Variants in TDP1 observed in about 807,000 individuals in gnomAD.
TDP1 encodes the protein tyrosyl-DNA phosphodiesterase 1, also known as tyr-DNA phosphodiesterase 1.
In TDP1, 64 loss-of-function variants were observed where a neutral mutation model predicts 81.5. The observed-to-expected ratio is 0.79, with a 90% CI of 0.64 to 0.97. TDP1 has a LOEUF of 0.97. Ranked by LOEUF, TDP1 falls within the 50% of genes least tolerant of loss-of-function variation. The pLI is 0.00. For missense variants in TDP1, 723 were observed against 743.8 expected (o/e 0.97, Z 0.33); for synonymous variants, 256 against 264.3 (o/e 0.97, Z 0.30).
chr14:90,021,356 G>T (rs986547376), intron 15 of TDP1, among the ~76,000 whole-genome samples: 9 of 152,156 alleles, frequency 5.9e-5, no homozygotes, highest in African/African-American at 2.2e-4. Flanking sequence ...TAGTGACTGT[G>T]GCTTTTATAA....
At chr14:90,021,929 A>T (rs550776446) in intron 15 of TDP1, among the ~76,000 whole-genome samples, 1 of 152,358 alleles carries the variant, frequency 6.6e-6, no homozygotes, top group East Asian at 1.9e-4. Context: ...GGCTTCCGTC[A>T]TGACCCTGGT....
intron 14 of TDP1, among the ~76,000 whole-genome samples, chr14:90,013,563 A>G (rs978802512): frequency 6.6e-6 from 1 of 152,226 alleles, no homozygotes; most frequent in African/African-American, 2.4e-5. Context: ...TGAGCCCATT[A>G]AACATCCTTT....
intron 8 of TDP1, among the ~76,000 whole-genome samples, chr14:89,981,833 G>A (rs1035184838): frequency 1.2e-4 from 18 of 151,970 alleles, no homozygotes; most frequent in Non-Finnish European, 2.2e-4. Flanking sequence ...CTGCAGGCAC[G>A]TACCACCACA....
intron 12 of TDP1, chr14:89,991,644 C>T (rs1289360225): frequency 2.3e-5 from 23 of 984,238 alleles, no homozygotes; most frequent in South Asian, 9.4e-5. Context: ...GACTATACTT[C>T]GTAAAGTATA....
At chr14:89,998,418 A>ATGTATGTATGTATG (rs1896880583) in intron 14 of TDP1, among the ~76,000 whole-genome samples, 4 of 98,260 alleles carry the variant, frequency 4.1e-5, no homozygotes, top group African/African-American at 1.9e-4. Context: ...ATATATATAT[A>ATGTATGTATGTATG]TATATGTATG....
chr14:90,037,617 TTA>T (rs1444706753), intron 16 of TDP1, among the ~76,000 whole-genome samples: 7 of 152,238 alleles, frequency 4.6e-5, no homozygotes, highest in African/African-American at 1.7e-4. Flanking sequence ...TGTCAATATT[TTA>T]TCACATTTAC....
chr14:89,973,294 C>G (rs1335769583), intron 6 of TDP1, among the ~76,000 whole-genome samples: 1 of 152,204 alleles, frequency 6.6e-6, no homozygotes, highest in African/African-American at 2.4e-5. Context: ...AGAAAGTAAA[C>G]TGACACAGAA....
Position 89,985,192 on chromosome 14 carries a change from A to G in TDP1, c.1113A>G (p.Gly371=), listed in dbSNP as rs755841799. 1 of 1,608,146 alleles carries G rather than the reference A, an allele frequency of 6.2e-7. No individual in the cohort carries two copies. Among genetic ancestry groups the G allele is most frequent in the Non-Finnish European group, 8.5e-7 (1 of 1,176,434 alleles). ...AAGGAAGTCAAAAAGATAATTGGGG[A>G]CATTTTAGACTTAAGAAGGTAACAG... ...RFQGSQKDNW[G]HFRLKKLLKD... The change falls in exon 10 of 17, where the codon GGA becomes GGG. Residue 371 remains glycine (G), a synonymous_variant. Coordinates refer to ENST00000335725, the MANE Select transcript of TDP1 (RefSeq NM_018319.4).
chr14:90,004,859 G>A (rs1046708815), intron 14 of TDP1, among the ~76,000 whole-genome samples: 3 of 152,184 alleles, frequency 2.0e-5, no homozygotes, highest in African/African-American at 7.2e-5. Flanking sequence ...CATGCTGTTA[G>A]GCTTTCTGGA....
intron 4 of TDP1, among the ~76,000 whole-genome samples, chr14:89,966,732 T>A (rs937258217): frequency 6.6e-6 from 1 of 152,198 alleles, no homozygotes; most frequent in Non-Finnish European, 1.5e-5. Flanking sequence ...TGGTTTGGCA[T>A]TGAAAGTCCT....
At chr14:90,000,658 T>C (rs1897115045) in intron 14 of TDP1, among the ~76,000 whole-genome samples, 4 of 152,210 alleles carry the variant, frequency 2.6e-5, no homozygotes, top group Admixed American at 2.6e-4. Context: ...GTGCTGGGAT[T>C]ATAGGCATGA....
rs151075941 is a variant in TDP1, at chr14:90,011,299, G to A, written c.1542-8017G>A. Among the ~76,000 whole-genome samples the A allele has an allele frequency of 6.3e-3, 953 of 152,284 alleles. 6 individuals carry two copies. The highest frequency in any genetic ancestry group is 0.02 in the Middle Eastern group (6 of 294). ...CTGTTATAGTAAATTGCTACCGGTA[G>A]AGTGGGGTGCTGTTATAAGGATACC... On this transcript the variant is annotated intron_variant, in intron 14 of 16. Coordinates refer to ENST00000335725, the MANE Select transcript of TDP1 (RefSeq NM_018319.4).
intron 14 of TDP1, among the ~76,000 whole-genome samples, chr14:90,012,177 G>C (rs1203812554): frequency 6.6e-6 from 1 of 152,178 alleles, no homozygotes; most frequent in African/African-American, 2.4e-5. Flanking sequence ...TGTTGGGCCT[G>C]TAGGTACACA....
chr14:90,010,651 A>G (rs1884597288), intron 14 of TDP1, among the ~76,000 whole-genome samples: 1 of 152,232 alleles, frequency 6.6e-6, no homozygotes, highest in African/African-American at 2.4e-5. Flanking sequence ...GAGACATTCC[A>G]AGGGGAATGC....
At chr14:89,969,938 G>A (rs1328117303) in intron 5 of TDP1, among the ~76,000 whole-genome samples, 2 of 145,766 alleles carry the variant, frequency 1.4e-5, no homozygotes, top group Non-Finnish European at 3.0e-5. Flanking sequence ...GTGCAGTGGC[G>A]GGATCTCGGC....
At chr14:89,955,690 A>T (rs1419858826), upstream of TDP1, 1 of 152,302 alleles carries the variant, frequency 6.6e-6, no homozygotes. Context: ...GAGTCTTGCT[A>T]TTAGTTAACT....
intron 16 of TDP1, among the ~76,000 whole-genome samples, chr14:90,037,829 A>G (rs1887977515): frequency 6.6e-6 from 1 of 152,244 alleles, no homozygotes; most frequent in Non-Finnish European, 1.5e-5. Context: ...AATGTCCTTT[A>G]TAGCAAAAGA....
At chr14:89,993,557 G>T in intron 14 of TDP1, 74 bp downstream of exon 14, 1 of 1,566,630 alleles carries the variant, frequency 6.4e-7, no homozygotes, top group Non-Finnish European at 8.6e-7. Context: ...AATGTTGAAT[G>T]GGTTTCTAAA....
chr14:89,975,747 T>C, intron 6 of TDP1, 34 bp from the exon 7 acceptor site: 1 of 1,583,006 alleles, frequency 6.3e-7, no homozygotes, highest in South Asian at 1.1e-5. Context: ...ATTAGTGAGT[T>C]GTTTTTAAAT....
Sources: gnomAD v4.1 joint callset for allele counts (sites outside exome capture counted in the v4.1 genomes callset) on GRCh38, gnomAD v4.1.1 for gene constraint, MANE v1.5 for transcripts, NCBI Gene and HGNC (gene_info 2026-07-23, HGNC 2026-07-21) for gene names.